ZNF251: variants seen among roughly 807,000 people sequenced by gnomAD.
ZNF251 encodes the protein zinc finger protein 251.
ZNF251 carries 14 observed loss-of-function variants against 13.5 expected under a neutral mutation model. That is an observed-to-expected ratio of 1.04 (90% confidence interval 0.69 to 1.63). The LOEUF (loss-of-function observed/expected upper bound fraction) is 1.63, where lower values mean the gene tolerates loss of function less well. Ranked by LOEUF, ZNF251 falls within the 40% of genes most tolerant of loss-of-function variation. The probability of loss-of-function intolerance (pLI) is 0.00; values close to 1 mark genes in which losing one functional copy is unlikely to be tolerated. For synonymous variants in ZNF251, 287 were observed against 295.2 expected (o/e 0.97, Z 0.28); for missense variants, 764 against 834.9 (o/e 0.92, Z 1.05).
chr8:144,722,643 A>AT lies in ZNF251; in HGVS notation c.1016dup (p.His339GlnfsTer12). ...GCTTCTCTCCAGTGTGAATTCTCTG[A>AT]TGCTGAGTTAACTGGGGGCTCTGGC... On this transcript the variant is annotated frameshift_variant, in exon 5 of 5. Transcript: ENST00000292562. LOFTEE classifies it low-confidence loss of function (END_TRUNC). This position sits in a 1 kb window ranked among gnomAD's most constrained non-coding sequence, Gnocchi z 4.8. The AT allele has an allele frequency of 6.2e-7, 1 of 1,614,026 alleles. No homozygotes were observed. Among genetic ancestry groups the AT allele is most frequent in the South Asian group, 1.1e-5 (1 of 91,070 alleles).
chr8:144,739,483 GGGCTTTCTACAAAATA>G (rs1824060414), intron 4 of ZNF251, among the ~76,000 whole-genome samples: 1 of 152,188 alleles, frequency 6.6e-6, no homozygotes, highest in Admixed American at 6.6e-5. Flanking sequence ...CCAACCTACA[GGGCTTTCTACAAAATA>G]TAGAGCCCAG....
intron 1 of ZNF251, chr8:144,755,182 C>T: frequency 8.5e-7 from 1 of 1,172,402 alleles, no homozygotes; most frequent in South Asian, 1.6e-5. Context: ...CTGCCGAAGG[C>T]CCCAGGCTCC....
intron 4 of ZNF251, among the ~76,000 whole-genome samples, chr8:144,732,549 A>C (rs1230982596): frequency 6.6e-6 from 1 of 152,196 alleles, no homozygotes. Context: ...GCGGTGGCTC[A>C]CGCCTGTAAT....
intron 4 of ZNF251, chr8:144,730,158 A>G (rs2722469): frequency 0.32 from 313,344 of 973,952 alleles, 52,746 homozygotes; most frequent in East Asian, 0.74. Flanking sequence ...GGAAGTGGAG[A>G]GCCATGTTTT....
intron 4 of ZNF251, among the ~76,000 whole-genome samples, chr8:144,726,575 C>G (rs1482586568): frequency 6.6e-6 from 1 of 151,626 alleles, no homozygotes; most frequent in African/African-American, 2.4e-5. Context: ...TATTAGAAAA[C>G]TTAGCCAGGC....
intron 1 of ZNF251, chr8:144,755,160 G>A (rs1057452158): frequency 6.8e-6 from 8 of 1,182,844 alleles, no homozygotes; most frequent in South Asian, 1.6e-5. Context: ...TGAGAAGGAG[G>A]CCGCGGGGAT....
rs760200456 is a variant in ZNF251 at position 144,722,749 on chromosome 8, C to T, written c.911G>A (p.Arg304Gln). 1.3e-5 allele frequency: 21 copies of T among 1,613,704 alleles called. No individual in the cohort carries two copies. Among genetic ancestry groups the T allele is most frequent in the Admixed American group, 5.0e-5 (3 of 59,974 alleles). Reference protein sequence around the residue: ...GCGECGKAFSRSSTLIQHRII... With the variant: ...GCGECGKAFSQSSTLIQHRII... Reference sequence around the variant, plus strand: ...CCGATGTTGAATAAGAGTTGAGCTTCGACTGAAAGCCTTCCCACACTCACC... The same window carrying T: ...CCGATGTTGAATAAGAGTTGAGCTTTGACTGAAAGCCTTCCCACACTCACC... The change falls in exon 5 of 5, where the codon CGA (arginine) becomes CAA (glutamine). Residue 304 changes from arginine to glutamine, a missense_variant. Physicochemically the swap from Arg to Gln is conservative, Grantham distance 43. Transcript: ENST00000292562. The surrounding 1 kb of genome is among the most constrained non-coding windows in gnomAD (Gnocchi z 4.8).
intron 4 of ZNF251, among the ~76,000 whole-genome samples, chr8:144,752,135 C>CAAAAAAAAAAAAAAAAA (rs745386892): frequency 1.2e-5 from 1 of 86,194 alleles, no homozygotes; most frequent in Non-Finnish European, 2.5e-5. Context: ...ATAACTAGAC[C>CAAAAAAAAAAAAAAAAA]AAAAAAAAAA....
intron 4 of ZNF251, among the ~76,000 whole-genome samples, chr8:144,742,774 C>T (rs1452222393): frequency 1.3e-5 from 2 of 152,186 alleles, no homozygotes; most frequent in East Asian, 1.9e-4. Context: ...TATAGGTGTC[C>T]GTTGGTAAAC....
intron 1 of ZNF251, 59 bp downstream of exon 1, chr8:144,755,346 C>A: frequency 1.6e-6 from 2 of 1,285,542 alleles, no homozygotes; most frequent in Non-Finnish European, 2.0e-6. Context: ...GCGCCCTCCC[C>A]GCGCCCTCCC....
chr8:144,733,228 C>CA (rs748567256), intron 4 of ZNF251, among the ~76,000 whole-genome samples: 1 of 151,994 alleles, frequency 6.6e-6, no homozygotes, highest in Non-Finnish European at 1.5e-5. Flanking sequence ...CAAAACAAAA[C>CA]AAAACAAAAA....
chr8:144,754,685 G>A lies in ZNF251; in HGVS notation c.33+11C>T, dbSNP rs1231171987. 9.3e-6 allele frequency: 15 copies of A among 1,606,926 alleles called. No individual in the cohort carries two copies. In the Admixed American group the frequency reaches 1.9e-4, roughly 20 times the overall value. ...AGATGAAGAGGTGGGCAGGAAGGAG[G>A]GTTAACTCACCTGGTGCCCTGGAAG... On this transcript the variant is annotated intron_variant, in intron 2 of 4. Coordinates refer to ENST00000292562, the MANE Select transcript of ZNF251 (RefSeq NM_138367.2).
chr8:144,742,919 A>C (rs1024542256), intron 4 of ZNF251, among the ~76,000 whole-genome samples: 3 of 152,178 alleles, frequency 2.0e-5, no homozygotes, highest in Admixed American at 6.5e-5. Flanking sequence ...GGTTGAAAAA[A>C]ATCCACATAT....
rs1445107785 is a variant in ZNF251, at chr8:144,754,255, G to A, written c.100C>T (p.Pro34Ser). ...TCCCGGTAGAGCGCCCGCTGCTGGG[G>A]GCCCAGCTGCCGCCCCTCCGCCTGA... ...FSQAEGRQLG[P>S]QQRALYRDVM... Residue 34 changes from proline to serine, a missense_variant, in exon 3 of 5, where the codon CCC (proline) becomes TCC (serine). Physicochemically the swap from Pro to Ser is moderately conservative, Grantham distance 74. Transcript: ENST00000292562. The A allele has an allele frequency of 6.2e-7, 1 of 1,613,954 alleles. No individual in the cohort carries two copies. Among genetic ancestry groups the A allele is most frequent in the South Asian group, 1.1e-5 (1 of 91,070 alleles).
At chr8:144,750,846 G>GTTT (rs58473905) in intron 4 of ZNF251, among the ~76,000 whole-genome samples, 3 of 141,314 alleles carry the variant, frequency 2.1e-5, no homozygotes, top group African/African-American at 2.6e-5. Context: ...TCTCTCCAGA[G>GTTT]TTTTTTTTTT....
At chr8:144,738,507 C>G (rs1824005871) in intron 4 of ZNF251, 1 of 971,796 alleles carries the variant, frequency 1.0e-6, no homozygotes, top group Non-Finnish European at 1.2e-6. Context: ...CACACAGGGT[C>G]TTCCCAAACT....
chr8:144,721,213 C>A lies in ZNF251; in HGVS notation c.*431G>T. On this transcript the variant is annotated 3_prime_UTR_variant, in exon 5 of 5. Coordinates refer to ENST00000292562, the MANE Select transcript of ZNF251 (RefSeq NM_138367.2). ...GGTGGAGAGAGTAAGGCTAAGCGCC[C>A]CCAGCAGGCCCAAGTTCTCTGTACC... The A allele has an allele frequency of 4.7e-6, 1 of 211,958 alleles. No homozygotes were observed. The highest frequency in any genetic ancestry group is 9.2e-6 in the Non-Finnish European group (1 of 108,226). 13.1% of individuals were successfully genotyped at this position (211,958 alleles called of 1,614,324 possible).
At chr8:144,731,039 A>G (rs145192382) in intron 4 of ZNF251, among the ~76,000 whole-genome samples, 1 of 152,266 alleles carries the variant, frequency 6.6e-6, no homozygotes, top group Non-Finnish European at 1.5e-5. Flanking sequence ...AACTGCCCCA[A>G]CAGGACTTAA....
rs1429426028 is a variant in ZNF251 at position 144,721,051 on chromosome 8, C to A, written c.*593G>T. 1 of 152,876 alleles carries A rather than the reference C, an allele frequency of 6.5e-6. No individual in the cohort carries two copies. The highest frequency in any genetic ancestry group is 1.5e-5 in the Non-Finnish European group (1 of 68,576). 9.5% of individuals were successfully genotyped at this position (152,876 alleles called of 1,614,324 possible). On this transcript the variant is annotated 3_prime_UTR_variant, in exon 5 of 5. Coordinates refer to ENST00000292562, the MANE Select transcript of ZNF251 (RefSeq NM_138367.2). ...CTTTCTTGGCCCCTAAGGTCCCTCT[C>A]TCTGTTAAACTGTAGAGCTCCTTAG...
Sources: allele counts gnomAD v4.1 joint callset (sites outside exome capture counted in the v4.1 genomes callset), GRCh38; gene constraint gnomAD v4.1.1; non-coding constraint Gnocchi (gnomAD v3.1); transcripts MANE v1.5; gene names NCBI Gene and HGNC (gene_info 2026-07-23, HGNC 2026-07-21).